The following YWHAE variants were observed in gnomAD, a reference collection of about 807,000 sequenced individuals.
YWHAE encodes the protein 14-3-3 protein epsilon.
YWHAE carries 4 observed loss-of-function variants against 30.1 expected under a neutral mutation model. That is an observed-to-expected ratio of 0.13 (90% CI 0.07 to 0.30). The LOEUF (loss-of-function observed/expected upper bound fraction) is 0.30, where lower values mean the gene tolerates loss of function less well. YWHAE is among the 10% of genes least tolerant of loss of function. YWHAE has a pLI of 1.00. For missense variants in YWHAE, 121 were observed against 315.9 expected (o/e 0.38, Z 4.68); for synonymous variants, 118 against 111.8 (o/e 1.06, Z -0.35).
At chr17:1,359,732 G>C (rs572110185) in intron 4 of YWHAE, among the ~76,000 whole-genome samples, 2 of 150,826 alleles carry the variant, frequency 1.3e-5, no homozygotes, top group Admixed American at 6.6e-5. Context: ...GCTATAATTC[G>C]CTTTGTGTGG....
chr17:1,369,399 CAA>C (rs1179974694), intron 1 of YWHAE, among the ~76,000 whole-genome samples: 1 of 152,144 alleles, frequency 6.6e-6, no homozygotes, highest in Non-Finnish European at 1.5e-5. Flanking sequence ...GAGGCTGAAG[CAA>C]GAGATTTGCT....
At chr17:1,358,675 C>A (rs1351391127) in intron 4 of YWHAE, among the ~76,000 whole-genome samples, 2 of 151,654 alleles carry the variant, frequency 1.3e-5, no homozygotes, top group African/African-American at 2.4e-5. Flanking sequence ...AAAATGCCCC[C>A]AAAAATTAGC....
intron 1 of YWHAE, among the ~76,000 whole-genome samples, chr17:1,387,544 G>A (rs963734103): frequency 3.3e-5 from 5 of 152,038 alleles, no homozygotes; most frequent in African/African-American, 1.2e-4. Context: ...TTTAGTAGAA[G>A]GATTAACTTT....
At chr17:1,359,811 G>C (rs923368089) in intron 4 of YWHAE, among the ~76,000 whole-genome samples, 1 of 96,412 alleles carries the variant, frequency 1.0e-5, no homozygotes, top group South Asian at 4.1e-4. Flanking sequence ...CCACTAAATT[G>C]TTGTGTGTGT....
chr17:1,347,948 T>C (rs2072554167), intron 5 of YWHAE: 1 of 1,008,434 alleles, frequency 9.9e-7, no homozygotes, highest in Admixed American at 6.2e-5. Flanking sequence ...CACTGTGCCA[T>C]GAACGTGACT....
At chr17:1,385,663 A>G (rs1479365303) in intron 1 of YWHAE, among the ~76,000 whole-genome samples, 2 of 152,170 alleles carry the variant, frequency 1.3e-5, no homozygotes, top group African/African-American at 2.4e-5. Context: ...AGGAAGACGG[A>G]GGATGCAGGT....
At chr17:1,397,264 G>T (rs1451296293) in intron 1 of YWHAE, among the ~76,000 whole-genome samples, 1 of 152,134 alleles carries the variant, frequency 6.6e-6, no homozygotes, top group African/African-American at 2.4e-5. Flanking sequence ...GAAATGCTAA[G>T]AAATAATGGA....
Position 1,400,054 on chromosome 17 carries a change from T to C in YWHAE, c.57A>G (p.Arg19=), listed in dbSNP as rs751103224. ...YQAKLAEQAE[R]YDEMVESMKK... is the part of the protein sequence containing the mutation. Reference sequence around the variant, plus strand: ...GTTGCCCCCCCAACTCACCGTCGTATCGCTCAGCCTGCTCGGCCAGCTTCG... The same window carrying C: ...GTTGCCCCCCCAACTCACCGTCGTACCGCTCAGCCTGCTCGGCCAGCTTCG... The change falls in exon 1 of 6, where the codon CGA becomes CGG. Residue 19 remains arginine (R), a synonymous_variant. Transcript: ENST00000264335. The C allele has an allele frequency of 4.3e-6, 7 of 1,609,264 alleles. No individual in the cohort carries two copies. The highest frequency in any genetic ancestry group is 5.1e-6 in the Non-Finnish European group (6 of 1,175,778).
chr17:1,398,765 C>A (rs1025137061), intron 1 of YWHAE: 9 of 152,174 alleles, frequency 5.9e-5, no homozygotes, highest in African/African-American at 2.2e-4. Context: ...TAAGAATAAA[C>A]TTCCTGACAA....
At chr17:1,388,307 G>A (rs542359460) in intron 1 of YWHAE, among the ~76,000 whole-genome samples, 34 of 150,794 alleles carry the variant, frequency 2.3e-4, no homozygotes, top group Admixed American at 4.6e-4. Context: ...GTGAGATCAG[G>A]AGATCAAGAC....
At chr17:1,368,674 C>T (rs1394119713) in intron 1 of YWHAE, among the ~76,000 whole-genome samples, 1 of 152,012 alleles carries the variant, frequency 6.6e-6, no homozygotes, top group African/African-American at 2.4e-5. Flanking sequence ...TTTTCTAAAC[C>T]AGTCACGAAA....
intron 1 of YWHAE, among the ~76,000 whole-genome samples, chr17:1,389,905 A>AC (rs1221793347): frequency 6.8e-6 from 1 of 146,692 alleles, no homozygotes; most frequent in East Asian, 2.1e-4. Flanking sequence ...GTGCAATGGT[A>AC]CAATCTCGGC....
Position 1,362,579 on chromosome 17 carries a change from C to T in YWHAE, c.265-571G>A, listed in dbSNP as rs141837665. Among the ~76,000 whole-genome samples, 290 of 152,114 alleles carry T rather than the reference C, an allele frequency of 1.9e-3. 2 individuals carry two copies. In the Middle Eastern group the frequency reaches 0.038, roughly 20 times the overall value. Reference sequence around the variant, plus strand: ...TCCGTAACTATTAAAACACCGAAAACCTATCTACCAAAGTAGCTACTGCCA... The same window carrying T: ...TCCGTAACTATTAAAACACCGAAAATCTATCTACCAAAGTAGCTACTGCCA... On this transcript the variant is annotated intron_variant, in intron 2 of 5. Coordinates refer to ENST00000264335, the MANE Select transcript of YWHAE (RefSeq NM_006761.5).
intron 1 of YWHAE, among the ~76,000 whole-genome samples, chr17:1,393,717 G>A (rs1396733905): frequency 6.6e-6 from 1 of 152,224 alleles, no homozygotes; most frequent in Non-Finnish European, 1.5e-5. Context: ...AGGTGTTTGA[G>A]CCGCGGAACC....
At chr17:1,361,422 T>C (rs181212831) in intron 3 of YWHAE, 124 bp from the exon 4 acceptor site, 48 of 709,682 alleles carry the variant, frequency 6.8e-5, no homozygotes, top group Admixed American at 1.8e-4. Flanking sequence ...AACAATTAGG[T>C]GTACTTCAAT....
intron 5 of YWHAE, among the ~76,000 whole-genome samples, chr17:1,347,405 T>C (rs1039329284): frequency 1.3e-5 from 2 of 149,624 alleles, no homozygotes; most frequent in Non-Finnish European, 3.0e-5. Context: ...GGGGCTGAGG[T>C]GGGGGAGTTC....
chr17:1,362,263 C>T (rs1396140238), intron 2 of YWHAE, among the ~76,000 whole-genome samples: 1 of 152,098 alleles, frequency 6.6e-6, no homozygotes, highest in African/African-American at 2.4e-5. Flanking sequence ...CCAGCCCCCA[C>T]ACCCCCTTCA....
intron 4 of YWHAE, among the ~76,000 whole-genome samples, chr17:1,358,659 C>G (rs921429306): frequency 1.3e-5 from 2 of 151,788 alleles, no homozygotes; most frequent in Non-Finnish European, 2.9e-5. Flanking sequence ...AACCTCGTCT[C>G]TACTAAAAAT....
Position 1,354,399 on chromosome 17 carries a change from T to G in YWHAE, c.579-52A>C, listed in dbSNP as rs781632093. 320 of 1,568,272 alleles carry G rather than the reference T, an allele frequency of 2.0e-4. 2 individuals are homozygous for G. Among genetic ancestry groups the G allele is most frequent in the Middle Eastern group, 2.0e-3 (12 of 5,964 alleles). On this transcript the variant is annotated intron_variant, in intron 4 of 5. Transcript: ENST00000264335. ...TAAAAATTAAGTCCAAAATCAGAAT[T>G]AGAAATGACATGCTAGACAGCAATC...
Sources: allele counts gnomAD v4.1 joint callset (sites outside exome capture counted in the v4.1 genomes callset), GRCh38; gene constraint gnomAD v4.1.1; transcripts MANE v1.5; gene names NCBI Gene and HGNC (gene_info 2026-07-23, HGNC 2026-07-21).